The following AFG2A variants were observed in gnomAD, a reference collection of about 807,000 sequenced individuals.
AFG2A encodes ATPase family gene 2 protein homolog A.
At chr4:123,291,737 G>T in the AFG2A span, among the ~76,000 whole-genome samples, 1 of 152,158 alleles carries the variant, frequency 6.6e-6, no homozygotes, top group Non-Finnish European at 1.5e-5. Context: ...CTGTTACTCT[G>T]ACAGGTTTTC....
chr4:123,019,228 G>A, the AFG2A span, among the ~76,000 whole-genome samples: 1 of 151,662 alleles, frequency 6.6e-6, no homozygotes, highest in South Asian at 2.1e-4. Flanking sequence ...GAGAGTTGAA[G>A]TAAATTACCC....
chr4:123,240,832 A>G, the AFG2A span, among the ~76,000 whole-genome samples: 3 of 152,224 alleles, frequency 2.0e-5, no homozygotes, highest in Admixed American at 2.0e-4. Flanking sequence ...CAAAAAATCA[A>G]TGAATCCAGG....
the AFG2A span, among the ~76,000 whole-genome samples, chr4:123,247,220 C>CGTGT: frequency 4.2e-4 from 39 of 93,828 alleles, no homozygotes; most frequent in South Asian, 8.5e-3. Flanking sequence ...TGCTTACTTG[C>CGTGT]GTGCGTGTGT....
At chr4:123,127,989 C>G in the AFG2A span, among the ~76,000 whole-genome samples, 1 of 152,118 alleles carries the variant, frequency 6.6e-6, no homozygotes, top group Non-Finnish European at 1.5e-5. Context: ...TTAACATATA[C>G]TGATGGTATT....
At chr4:123,117,731 G>A in the AFG2A span, among the ~76,000 whole-genome samples, 1 of 151,792 alleles carries the variant, frequency 6.6e-6, no homozygotes, top group Non-Finnish European at 1.5e-5. Context: ...AAAAAATGCA[G>A]GTTGGAGTCA....
At chr4:123,226,246 A>G in the AFG2A span, among the ~76,000 whole-genome samples, 4 of 152,150 alleles carry the variant, frequency 2.6e-5, no homozygotes, top group South Asian at 2.1e-4. Context: ...TTCCAACACT[A>G]TGTTGAATAG....
the AFG2A span, chr4:122,933,533 T>G: frequency 3.8e-6 from 6 of 1,570,578 alleles, no homozygotes; most frequent in African/African-American, 8.1e-5. Flanking sequence ...TCTTAAGTTT[T>G]AAGCTGCAAG....
chr4:123,146,059 A>G, the AFG2A span, among the ~76,000 whole-genome samples: 63 of 152,278 alleles, frequency 4.1e-4, no homozygotes, highest in Middle Eastern at 3.4e-3. Flanking sequence ...GCTGTCATGA[A>G]TTAGACTGAC....
the AFG2A span, among the ~76,000 whole-genome samples, chr4:122,983,753 G>A: frequency 6.6e-6 from 1 of 152,110 alleles, no homozygotes; most frequent in African/African-American, 2.4e-5. Context: ...TGTGTCATGT[G>A]CACTTGAAAA....
At chr4:123,024,543 T>G in the AFG2A span, among the ~76,000 whole-genome samples, 1 of 152,156 alleles carries the variant, frequency 6.6e-6, no homozygotes, top group Non-Finnish European at 1.5e-5. Flanking sequence ...ATCATGATGG[T>G]CCCAGCAAAG....
chr4:123,066,934 A>G, the AFG2A span, among the ~76,000 whole-genome samples: 1,859 of 152,286 alleles, frequency 0.012, 42 homozygotes, highest in African/African-American at 0.041. Flanking sequence ...TGTTTTGTCT[A>G]TAAGTTGTAA....
the AFG2A span, among the ~76,000 whole-genome samples, chr4:123,149,918 G>T: frequency 6.9e-6 from 1 of 145,958 alleles, no homozygotes. Flanking sequence ...CAATTCTTCT[G>T]CCTCAGCCTC....
the AFG2A span, among the ~76,000 whole-genome samples, chr4:123,298,092 CAT>C: frequency 7.6e-6 from 1 of 131,756 alleles, no homozygotes; most frequent in South Asian, 2.4e-4. Context: ...CACACACACA[CAT>C]GCATGCGTGC....
At chr4:122,941,860 C>T in the AFG2A span, among the ~76,000 whole-genome samples, 3 of 151,662 alleles carry the variant, frequency 2.0e-5, no homozygotes, top group East Asian at 1.9e-4. Context: ...TGAATTTTGT[C>T]AAAGGCCTTT....
chr4:123,017,255 C>T, the AFG2A span, among the ~76,000 whole-genome samples: 2 of 78,830 alleles, frequency 2.5e-5, no homozygotes, highest in African/African-American at 1.2e-4. Flanking sequence ...AGAGGGAGAG[C>T]GAGAGCGAGA....
chr4:123,183,357 T>C, the AFG2A span, among the ~76,000 whole-genome samples: 1 of 152,222 alleles, frequency 6.6e-6, no homozygotes, highest in Non-Finnish European at 1.5e-5. Flanking sequence ...TTGTTTATTG[T>C]TTTACATGAT....
the AFG2A span, among the ~76,000 whole-genome samples, chr4:123,156,821 T>G: frequency 6.7e-6 from 1 of 149,684 alleles, no homozygotes; most frequent in Non-Finnish European, 1.5e-5. Context: ...ATGCTGATAG[T>G]TTTTTTTTGG....
the AFG2A span, among the ~76,000 whole-genome samples, chr4:123,163,912 A>G: frequency 6.6e-6 from 1 of 152,204 alleles, no homozygotes; most frequent in Non-Finnish European, 1.5e-5. Flanking sequence ...CTAAAGCCCT[A>G]CATCTTTCAA....
the AFG2A span, among the ~76,000 whole-genome samples, chr4:123,010,433 G>T: frequency 6.6e-6 from 1 of 151,994 alleles, no homozygotes; most frequent in Non-Finnish European, 1.5e-5. Context: ...GCTCCACAAT[G>T]TAGAGACCGT....
Sources: allele counts gnomAD v4.1 joint callset (sites outside exome capture counted in the v4.1 genomes callset), GRCh38; gene constraint gnomAD v4.1.1; transcripts MANE v1.5; gene names NCBI Gene and HGNC (gene_info 2026-07-23, HGNC 2026-07-21).